The following MYO15A variants were observed in gnomAD, a reference collection of about 807,000 sequenced individuals.
MYO15A encodes unconventional myosin-XV.
A neutral mutation model predicts 394.6 loss-of-function variants in MYO15A; 308 were observed. The ratio of observed to expected loss-of-function variants is 0.78; its 90% CI spans 0.71 to 0.86. MYO15A has a LOEUF of 0.86. Ranked by LOEUF, MYO15A falls within the 40% of genes least tolerant of loss-of-function variation. MYO15A has a pLI of 0.00. For missense variants in MYO15A, 4,606 were observed against 4,799.1 expected, an observed-to-expected ratio of 0.96 and a Z score of 1.19; for synonymous variants, 1,957 against 2,003.8, an observed-to-expected ratio of 0.98 and a Z score of 0.62.
At chr17:18,174,053 C>T (rs1030791073) in intron 65 of MYO15A, 132 bp downstream of exon 65, 7 of 1,274,008 alleles carry the variant, frequency 5.5e-6, no homozygotes, top group Admixed American at 2.5e-5. Flanking sequence ...AACCACAGCA[C>T]AGCACGGAAC....
rs778935251 is a variant in MYO15A at position 18,154,709 on chromosome 17, C to T, written c.8178C>T (p.Cys2726=). 6.2e-7 allele frequency: 1 copy of T among 1,613,732 alleles called. No homozygotes were observed. The highest frequency in any genetic ancestry group is 2.2e-5 in the East Asian group (1 of 44,868). The change falls in exon 45 of 66, where the codon TGC becomes TGT. Residue 2726 remains cysteine, a synonymous_variant. Coordinates refer to ENST00000647165, the MANE Select transcript of MYO15A (RefSeq NM_016239.4). Reference sequence around the variant, plus strand: ...TGCACGACACGCTCTCCGAGGCCTGCCTTCGCATCTCTGAGGATGAGAGGC... The same window carrying T: ...TGCACGACACGCTCTCCGAGGCCTGTCTTCGCATCTCTGAGGATGAGAGGC... ...QILHDTLSEA[C]LRISEDERLR...
intron 7 of MYO15A, 61 bp downstream of exon 7, chr17:18,127,226 G>A: frequency 1.9e-6 from 3 of 1,579,194 alleles, no homozygotes; most frequent in Non-Finnish European, 2.6e-6. Context: ...CACACCTCAT[G>A]TACTCCCGAA....
Position 18,118,568 on chromosome 17 carries a change from T to C in MYO15A, c.-219-14T>C, listed in dbSNP as rs854817. 0.43 allele frequency: 253,859 copies of C among 595,858 alleles called. 60,889 individuals are homozygous for C. Among genetic ancestry groups the C allele is most frequent in the South Asian group, 0.7 (34,948 of 49,700 alleles). 36.9% of individuals were successfully genotyped at this position (595,858 alleles called of 1,614,324 possible). ...TGGTAAACAACACCCACACACTTTC[T>C]ACTACTGCTCTAGGGTGAAACCCAA... On this transcript the variant is annotated splice_polypyrimidine_tract_variant and intron_variant, in intron 1 of 65. Coordinates refer to ENST00000647165, the MANE Select transcript of MYO15A (RefSeq NM_016239.4).
Position 18,142,771 on chromosome 17 carries a change from G to A in MYO15A, c.5841G>A (p.Gln1947=), listed in dbSNP as rs747032213. 6 of 1,613,724 alleles carry A rather than the reference G, an allele frequency of 3.7e-6. No homozygotes were observed. Among genetic ancestry groups the A allele is most frequent in the Non-Finnish European group, 5.1e-6 (6 of 1,179,932 alleles). ...RGYLARQRYQ[Q]MRRSLVKFRS... is the part of the protein sequence containing the mutation. The stretch of plus-strand genomic sequence containing the variant: ...CCCAACCCAGGCAACGCTATCAGCA[G>A]ATGAGGAGGAGTCTGGTGAAGTTCC... The change falls in exon 25 of 66, where the codon CAG becomes CAA. Residue 1947 remains glutamine, a synonymous_variant. Transcript: ENST00000647165.
intron 1 of MYO15A, chr17:18,109,056 C>G (rs1210378610): frequency 1.3e-5 from 2 of 152,358 alleles, no homozygotes; most frequent in Admixed American, 6.5e-5. Context: ...TGGCTTACCT[C>G]GGCCCCTCTC....
Position 18,142,784 on chromosome 17 carries a change from CTGG to C in MYO15A, c.5857_5859del (p.Val1953del). Reference sequence around the variant, plus strand: ...ACGCTATCAGCAGATGAGGAGGAGTCTGGTGAAGTTCCGGTCCCTGGTACACGC... The same window carrying C: ...ACGCTATCAGCAGATGAGGAGGAGTCTGAAGTTCCGGTCCCTGGTACACGC... On this transcript the variant is annotated inframe_deletion, in exon 25 of 66. Coordinates refer to ENST00000647165, the MANE Select transcript of MYO15A (RefSeq NM_016239.4). The C allele has an allele frequency of 6.2e-7, 1 of 1,613,780 alleles. No individual in the cohort carries two copies. Among genetic ancestry groups the C allele is most frequent in the Non-Finnish European group, 8.5e-7 (1 of 1,179,946 alleles).
At chr17:18,154,216 C>T (rs375637916) in intron 44 of MYO15A, 26 bp downstream of exon 44, 6 of 1,612,306 alleles carry the variant, frequency 3.7e-6, no homozygotes, top group East Asian at 2.2e-5. Flanking sequence ...CCCTTTCTGC[C>T]TCAGTGAACT....
rs1279962235 is a variant in MYO15A, at chr17:18,153,727, A to C, written c.7967-48A>C. ...AATATATATATATATTAATTAAATA[A>C]AAAAACGAGGTGCCTTCTCCTGACT... is the stretch of plus-strand genomic sequence containing the variant. On this transcript the variant is annotated intron_variant, in intron 42 of 65. Coordinates refer to ENST00000647165, the MANE Select transcript of MYO15A (RefSeq NM_016239.4). The surrounding 1 kb of genome is among the most constrained non-coding windows in gnomAD (Gnocchi z 4.1). The C allele has an allele frequency of 6.3e-7, 1 of 1,582,878 alleles. No individual in the cohort carries two copies. Among genetic ancestry groups the C allele is most frequent in the Admixed American group, 1.8e-5 (1 of 55,634 alleles).
Position 18,148,619 on chromosome 17 carries a change from G to T in MYO15A, c.6764+51G>T. On this transcript the variant is annotated intron_variant, in intron 32 of 65. Transcript: ENST00000647165. This position sits in a 1 kb window ranked among gnomAD's most constrained non-coding sequence, Gnocchi z 4.8. ...CACACTCTTATGTACCTGGAATGTT[G>T]TGGGGGGAGGTCAGATCCCCCAGAG... 6.5e-7 allele frequency: 1 copy of T among 1,549,156 alleles called. No individual in the cohort carries two copies. The highest frequency in any genetic ancestry group is 8.7e-7 in the Non-Finnish European group (1 of 1,145,342).
rs1224150317 is a variant in MYO15A at position 18,170,264 on chromosome 17, A to T, written c.10083-1374A>T. ...CCCTGGAAAAACGAATAGTAAGATGATGTCCGTACCATGTGTATTCCAGCG... is the reference window on the plus strand; with the variant it reads ...CCCTGGAAAAACGAATAGTAAGATGTTGTCCGTACCATGTGTATTCCAGCG... On this transcript the variant is annotated intron_variant, in intron 62 of 65. Coordinates refer to ENST00000647165, the MANE Select transcript of MYO15A (RefSeq NM_016239.4). Among the ~76,000 whole-genome samples the T allele has an allele frequency of 2.0e-5, 3 of 152,078 alleles. No individual in the cohort carries two copies. In the East Asian group the frequency reaches 5.8e-4, roughly 29 times the overall value.
At chr17:18,128,248 T>G (rs930729059) in intron 7 of MYO15A, among the ~76,000 whole-genome samples, 2 of 151,212 alleles carry the variant, frequency 1.3e-5, no homozygotes, top group Admixed American at 1.3e-4. Flanking sequence ...AAGAGGTGTC[T>G]GCTAGGCATC....
intron 64 of MYO15A, among the ~76,000 whole-genome samples, chr17:18,173,369 T>G (rs1443552664): frequency 1.3e-5 from 2 of 152,154 alleles, no homozygotes; most frequent in Non-Finnish European, 2.9e-5. Flanking sequence ...GGCAGGAGGA[T>G]TCCTTGAGCC....
chr17:18,172,275 C>T lies in MYO15A; in HGVS notation c.10335C>T (p.Leu3445=), dbSNP rs1294062449. 1.2e-6 allele frequency: 2 copies of T among 1,614,110 alleles called. No individual in the cohort carries two copies. Among genetic ancestry groups the T allele is most frequent in the African/African-American group, 2.7e-5 (2 of 74,946 alleles). ...TCAACCACAATGGCCTCAACTTTCT[C>T]AGCACAGAGACTCATGTGAGTGGCC... ...LAINHNGLNF[L]STETHELMVK... is the part of the protein sequence containing the mutation. The change falls in exon 64 of 66, where the codon CTC becomes CTT. Residue 3445 remains leucine, a synonymous_variant. Transcript: ENST00000647165.
rs1198244884 is a variant in MYO15A at position 18,121,663 on chromosome 17, A to G, written c.2863A>G (p.Arg955Gly). 3.6e-6 allele frequency: 5 copies of G among 1,405,282 alleles called. No individual in the cohort carries two copies. The South Asian group carries it at 4.7e-5, about 13-fold the overall frequency. 87.1% of individuals were successfully genotyped at this position (1,405,282 alleles called of 1,614,324 possible). A position where few individuals can be genotyped will look rare whatever the true frequency, so the allele number is the denominator to read the frequency against. ...TGCAGGCAGCCGCCGAGGCTTTTCC[A>G]GGCCACCCCCTGTGCCGGAAAACCC... ...GGAGSRRGFS[R>G]PPPVPENPFL... Residue 955 changes from arginine (R) to glycine (G), a missense_variant, in exon 2 of 66, where the codon AGG (arginine) becomes GGG (glycine). By Grantham distance (125) the Arg-to-Gly change is moderately radical. Transcript: ENST00000647165. This position sits in a 1 kb window ranked among gnomAD's most constrained non-coding sequence, Gnocchi z 5.3.
chr17:18,119,874 C>A lies in MYO15A; in HGVS notation c.1074C>A (p.Leu358=). The change falls in exon 2 of 66, where the codon CTC becomes CTA. Residue 358 remains leucine, a synonymous_variant. Coordinates refer to ENST00000647165, the MANE Select transcript of MYO15A (RefSeq NM_016239.4). The part of the protein sequence containing the change: ...PYDAPYPPYD[L]PYHTPYDVPY... ...ACGCGCCATACCCACCCTATGACCT[C>A]CCATACCACACTCCCTACGATGTAC... 1 of 1,613,234 alleles carries A rather than the reference C, an allele frequency of 6.2e-7. No homozygotes were observed. The highest frequency in any genetic ancestry group is 8.5e-7 in the Non-Finnish European group (1 of 1,179,994).
At chr17:18,112,860 T>G (rs997516910) in intron 1 of MYO15A, among the ~76,000 whole-genome samples, 2 of 152,092 alleles carry the variant, frequency 1.3e-5, no homozygotes, top group African/African-American at 4.8e-5. Context: ...ATTATTATTT[T>G]TTTTTGAAAC....
chr17:18,147,933 G>C lies in MYO15A; in HGVS notation c.6510-96G>C. ...TCTGGAGTAGCCTGGGCCTTTCTCA[G>C]ACTAGCCTCAGAATTTCCTACCCCC... On this transcript the variant is annotated intron_variant, in intron 30 of 65. Transcript: ENST00000647165. This position sits in a 1 kb window ranked among gnomAD's most constrained non-coding sequence, Gnocchi z 4.4. 6.7e-7 allele frequency: 1 copy of C among 1,495,494 alleles called. No individual in the cohort carries two copies. Among genetic ancestry groups the C allele is most frequent in the Admixed American group, 1.7e-5 (1 of 59,214 alleles). 92.6% of individuals were successfully genotyped at this position (1,495,494 alleles called of 1,614,324 possible). A position where few individuals can be genotyped will look rare whatever the true frequency, so the allele number is the denominator to read the frequency against.
Position 18,163,271 on chromosome 17 carries a change from T to A in MYO15A, c.9640T>A (p.Phe3214Ile). 6.2e-7 allele frequency: 1 copy of A among 1,614,208 alleles called. No individual in the cohort carries two copies. Among genetic ancestry groups the A allele is most frequent in the Non-Finnish European group, 8.5e-7 (1 of 1,180,036 alleles). ...LAGRSSKRQL[F>I]LLPGGLERHL... The stretch of plus-strand genomic sequence containing the variant: ...AGGCCGCAGTTCCAAGAGGCAACTC[T>A]TTCTTCTTCCTGGAGGCCTTGAACG... The change falls in exon 59 of 66, where the codon TTT becomes ATT. Residue 3214 changes from phenylalanine to isoleucine, a missense_variant. By Grantham distance (21) the Phe-to-Ile change is conservative (BLOSUM62 0). Transcript: ENST00000647165.
rs2046630935 is a variant in MYO15A at position 18,153,981 on chromosome 17, G to A, written c.8088+85G>A. 3 of 1,608,590 alleles carry A rather than the reference G, an allele frequency of 1.9e-6. No individual in the cohort carries two copies. The highest frequency in any genetic ancestry group is 2.2e-5 in the East Asian group (1 of 44,806). ...CGAGCAGAGGAGGGTCTAGGACTTGGGGAGGGAGCCCAGGAGGACAGAAAA... is the reference window on the plus strand; with the variant it reads ...CGAGCAGAGGAGGGTCTAGGACTTGAGGAGGGAGCCCAGGAGGACAGAAAA... On this transcript the variant is annotated intron_variant, in intron 43 of 65. Transcript: ENST00000647165. The surrounding 1 kb of genome is among the most constrained non-coding windows in gnomAD (Gnocchi z 4.1).
Sources: allele counts gnomAD v4.1 joint callset (sites outside exome capture counted in the v4.1 genomes callset), GRCh38; gene constraint gnomAD v4.1.1; non-coding constraint Gnocchi (gnomAD v3.1); transcripts MANE v1.5; gene names NCBI Gene and HGNC (gene_info 2026-07-23, HGNC 2026-07-21).